Variants in NINJ1 observed in about 807,000 individuals in gnomAD.
The protein encoded by NINJ1 is ninjurin-1.
A neutral mutation model predicts 12.7 loss-of-function variants in NINJ1; 6 were observed. That is an observed-to-expected ratio of 0.47 (90% CI 0.26 to 0.93). The LOEUF is 0.93. Ranked by LOEUF, NINJ1 falls within the 40% of genes least tolerant of loss-of-function variation. The probability of loss-of-function intolerance (pLI) is 0.15; values close to 1 mark genes in which losing one functional copy is unlikely to be tolerated. For synonymous variants in NINJ1, 100 were observed against 96.0 expected (o/e 1.04, Z -0.25); for missense variants, 170 against 213.0 (o/e 0.80, Z 1.26).
chr9:93,129,938 C>G (rs1827867088), intron 1 of NINJ1, among the ~76,000 whole-genome samples: 1 of 152,204 alleles, frequency 6.6e-6, no homozygotes, highest in Non-Finnish European at 1.5e-5. Context: ...TCCCCCAGTC[C>G]TGGGCACTTG....
At chr9:93,134,087 C>T in intron 1 of NINJ1, 56 bp downstream of exon 1, 3 of 1,359,778 alleles carry the variant, frequency 2.2e-6, no homozygotes, top group South Asian at 1.4e-5. Flanking sequence ...GGAGCCGCGG[C>T]GCCCCGAAAG....
chr9:93,125,899 C>T (rs1392647629), intron 2 of NINJ1: 3 of 113,646 alleles, frequency 2.6e-5, no homozygotes, highest in African/African-American at 1.1e-4. Flanking sequence ...GTTTCAAAAA[C>T]AAAACAAAAC....
chr9:93,124,337 C>G (rs1421730254), intron 3 of NINJ1, among the ~76,000 whole-genome samples: 1 of 152,132 alleles, frequency 6.6e-6, no homozygotes, highest in South Asian at 2.1e-4. Flanking sequence ...TGCAGTAGTA[C>G]GATCTTAGCT....
chr9:93,127,179 T>C (rs1267996163), intron 1 of NINJ1, among the ~76,000 whole-genome samples: 1 of 152,178 alleles, frequency 6.6e-6, no homozygotes, highest in East Asian at 1.9e-4. Context: ...CCTCCAGGCC[T>C]CAGCACAGGC....
chr9:93,129,892 C>T (rs1329869478), intron 1 of NINJ1, among the ~76,000 whole-genome samples: 1 of 152,214 alleles, frequency 6.6e-6, no homozygotes, highest in Non-Finnish European at 1.5e-5. Context: ...GAGCTGACCA[C>T]CACACAGGAG....
chr9:93,131,101 T>C (rs1208185593), intron 1 of NINJ1, among the ~76,000 whole-genome samples: 2 of 152,132 alleles, frequency 1.3e-5, no homozygotes, highest in Non-Finnish European at 2.9e-5. Flanking sequence ...CTGTGCCCAT[T>C]CCCCAGATGC....
At chr9:93,131,216 T>C (rs966398046) in intron 1 of NINJ1, among the ~76,000 whole-genome samples, 3 of 152,218 alleles carry the variant, frequency 2.0e-5, no homozygotes, top group South Asian at 2.1e-4. Flanking sequence ...TCTGTGTTCC[T>C]GGCAGGAAAC....
intron 1 of NINJ1, 48 bp from the exon 2 acceptor site, chr9:93,126,686 G>A (rs1409376471): frequency 4.1e-6 from 6 of 1,480,326 alleles, no homozygotes; most frequent in Non-Finnish European, 5.5e-6. Context: ...AGGGGGGCAA[G>A]GGCTGTGCCT....
intron 3 of NINJ1, among the ~76,000 whole-genome samples, 174 bp from the exon 4 acceptor site, chr9:93,122,404 G>T (rs1193767943): frequency 1.5e-5 from 2 of 131,250 alleles, no homozygotes; most frequent in African/African-American, 2.9e-5. Context: ...AGAGGAGAGG[G>T]TCTGAGCCTG....
At chr9:93,128,003 A>C (rs530431893) in intron 1 of NINJ1, among the ~76,000 whole-genome samples, 1 of 152,312 alleles carries the variant, frequency 6.6e-6, no homozygotes, top group African/African-American at 2.4e-5. Flanking sequence ...AGTTTCATCT[A>C]AAATTATGTG....
chr9:93,131,483 A>G (rs1827892276), intron 1 of NINJ1: 1 of 152,150 alleles, frequency 6.6e-6, no homozygotes, highest in Admixed American at 6.5e-5. Context: ...ACAGCTACCT[A>G]CCTCCAAGGA....
rs1827810040 is a variant in NINJ1, at chr9:93,126,429, C to T, written c.285G>A (p.Gly95=). 6.2e-7 allele frequency: 1 copy of T among 1,613,612 alleles called. No homozygotes were observed. Among genetic ancestry groups the T allele is most frequent in the Non-Finnish European group, 8.5e-7 (1 of 1,179,816 alleles). The change falls in exon 2 of 4, where the codon GGG becomes GGA. Residue 95 remains glycine (G), a synonymous_variant. Coordinates refer to ENST00000375446, the MANE Select transcript of NINJ1 (RefSeq NM_004148.4). ...SISLVLQIGV[G]VLLIFLVKYD... is the part of the protein sequence containing the mutation. ...ACCTACCAAGGAAGATGAGCAGCAC[C>T]CCCACGCCGATCTGCAGCACAAGGG...
At chr9:93,132,881 C>CT (rs1827917812) in intron 1 of NINJ1, among the ~76,000 whole-genome samples, 1 of 152,236 alleles carries the variant, frequency 6.6e-6, no homozygotes, top group Admixed American at 6.5e-5. Context: ...AGCAGTATCC[C>CT]TTCCTTTCCA....
intron 1 of NINJ1, among the ~76,000 whole-genome samples, chr9:93,127,061 T>C (rs1827824893): frequency 6.6e-6 from 1 of 151,962 alleles, no homozygotes; most frequent in Non-Finnish European, 1.5e-5. Context: ...GACAGATCTG[T>C]GCACACCGGC....
intron 1 of NINJ1, among the ~76,000 whole-genome samples, chr9:93,127,828 C>T (rs1409312729): frequency 6.6e-6 from 1 of 152,204 alleles, no homozygotes; most frequent in South Asian, 2.1e-4. Flanking sequence ...TTTCCAGACT[C>T]ATGAAAGATG....
In NINJ1 at chr9:93,121,844, C is replaced by T. The variant is rs1827741973; in HGVS notation, c.*396G>A. The T allele has an allele frequency of 2.0e-5, 3 of 152,358 alleles. No homozygotes were observed. The highest frequency in any genetic ancestry group is 7.2e-5 in the African/African-American group (3 of 41,466). The allele number at this position is 152,358 out of a possible 1,614,324, so 9.4% of individuals were successfully genotyped here. ...GAGGGAGAGACATCTCCTTGTCCTT[C>T]TGGAATGTCCTGAGACAGAGGCTGG... On this transcript the variant is annotated 3_prime_UTR_variant, in exon 4 of 4. Transcript: ENST00000375446.
intron 1 of NINJ1, 31 bp downstream of exon 1, chr9:93,134,112 A>G (rs774659610): frequency 6.6e-7 from 1 of 1,515,628 alleles, no homozygotes; most frequent in South Asian, 1.2e-5. Flanking sequence ...GGGCCTGGCA[A>G]GATCATGCAG....
chr9:93,131,991 TG>T (rs2130753581), intron 1 of NINJ1, among the ~76,000 whole-genome samples: 1 of 152,274 alleles, frequency 6.6e-6, no homozygotes, highest in South Asian at 2.1e-4. Flanking sequence ...GGGTCACCAG[TG>T]GGAGAGGGTC....
At chr9:93,124,083 A>C (rs1440183934) in intron 3 of NINJ1, among the ~76,000 whole-genome samples, 1 of 152,242 alleles carries the variant, frequency 6.6e-6, no homozygotes, top group Non-Finnish European at 1.5e-5. Flanking sequence ...AAGAGTCACA[A>C]GGGCTCCACG....
Sources: gnomAD v4.1 joint callset for allele counts (sites outside exome capture counted in the v4.1 genomes callset) on GRCh38, gnomAD v4.1.1 for gene constraint, MANE v1.5 for transcripts, NCBI Gene and HGNC (gene_info 2026-07-23, HGNC 2026-07-21) for gene names.